ELMOD2: variants seen among roughly 807,000 people sequenced by gnomAD.
The protein encoded by ELMOD2 is ELMO domain containing 2.
A neutral mutation model predicts 41.0 loss-of-function variants in ELMOD2; 28 were observed. The ratio of observed to expected loss-of-function variants is 0.68; its 90% CI spans 0.51 to 0.94. ELMOD2 has a LOEUF of 0.94. ELMOD2 is among the 40% of genes least tolerant of loss of function. ELMOD2 has a pLI of 0.00. For synonymous variants in ELMOD2, 106 were observed against 107.2 expected, an observed-to-expected ratio of 0.99 and a Z score of 0.07; for missense variants, 333 against 343.1, an observed-to-expected ratio of 0.97 and a Z score of 0.23.
chr4:140,525,575 T>C lies in ELMOD2; in HGVS notation c.142+5T>C, dbSNP rs201244894. On this transcript the variant is annotated splice_donor_5th_base_variant and intron_variant, in intron 2 of 8. Coordinates refer to ENST00000323570, the MANE Select transcript of ELMOD2 (RefSeq NM_153702.4). ...CACAAAGGACACACAGGATAGGTAA[T>C]GTTATTCAAAAAGAAAAAGTACTAA... The C allele has an allele frequency of 6.3e-7, 1 of 1,590,952 alleles. No homozygotes were observed.
intron 8 of ELMOD2, among the ~76,000 whole-genome samples, chr4:140,547,940 G>A (rs1012159692): frequency 1.3e-5 from 2 of 152,140 alleles, no homozygotes; most frequent in Non-Finnish European, 2.9e-5. Flanking sequence ...TGCCAAGGAT[G>A]GCCCTGCCAG....
intron 3 of ELMOD2, among the ~76,000 whole-genome samples, chr4:140,535,055 C>G (rs1734870014): frequency 6.6e-6 from 1 of 151,980 alleles, no homozygotes; most frequent in Non-Finnish European, 1.5e-5. Flanking sequence ...TTGACCATAT[C>G]TGTATCTTTA....
intron 3 of ELMOD2, among the ~76,000 whole-genome samples, chr4:140,532,650 A>C (rs574855134): frequency 6.6e-6 from 1 of 152,320 alleles, no homozygotes; most frequent in South Asian, 2.1e-4. Context: ...GGCTGTGAAA[A>C]ACCTGCAGCT....
intron 8 of ELMOD2, among the ~76,000 whole-genome samples, chr4:140,548,241 A>G (rs1735355260): frequency 6.6e-6 from 1 of 152,188 alleles, no homozygotes; most frequent in Non-Finnish European, 1.5e-5. Context: ...ACTGAAACAA[A>G]TGGTATGGCC....
intron 8 of ELMOD2, among the ~76,000 whole-genome samples, chr4:140,545,175 T>A (rs1381106607): frequency 6.6e-6 from 1 of 152,190 alleles, no homozygotes; most frequent in Non-Finnish European, 1.5e-5. Context: ...TGTTTTTTCT[T>A]CATGTTATTT....
intron 2 of ELMOD2, chr4:140,526,864 A>AT (rs1474813527): frequency 6.6e-6 from 1 of 152,414 alleles, no homozygotes; most frequent in Non-Finnish European, 1.5e-5. Flanking sequence ...TGGCAAAAGC[A>AT]TTTTTCCTAA....
chr4:140,524,894 CAG>C (rs1334505491), intron 1 of ELMOD2: 1 of 153,742 alleles, frequency 6.5e-6, no homozygotes, highest in Non-Finnish European at 1.4e-5. Flanking sequence ...GTTATATACT[CAG>C]TGTTCAACTT....
intron 8 of ELMOD2, among the ~76,000 whole-genome samples, chr4:140,545,618 A>G (rs1041622068): frequency 6.6e-6 from 1 of 152,182 alleles, no homozygotes; most frequent in African/African-American, 2.4e-5. Flanking sequence ...GACAGCATTG[A>G]TGATTCTACC....
intron 8 of ELMOD2, 106 bp from the exon 9 acceptor site, chr4:140,550,124 T>C (rs1735424253): frequency 1.0e-6 from 1 of 960,260 alleles, no homozygotes; most frequent in African/African-American, 1.7e-5. Context: ...GATTATTGTA[T>C]TCTAATATGG....
In ELMOD2 at chr4:140,525,596, A is replaced by G. The variant is rs1487513656; in HGVS notation, c.142+26A>G. ...GTAATGTTATTCAAAAAGAAAAAGT[A>G]CTAATAAAAGTTTAACGGAGTGTTT... On this transcript the variant is annotated intron_variant, in intron 2 of 8. Transcript: ENST00000323570. 3.2e-6 allele frequency: 5 copies of G among 1,585,474 alleles called. No individual in the cohort carries two copies. In the South Asian group the frequency reaches 5.8e-5, roughly 18 times the overall value.
chr4:140,541,329 T>G (rs909871291), intron 6 of ELMOD2, among the ~76,000 whole-genome samples: 14 of 152,148 alleles, frequency 9.2e-5, no homozygotes, highest in Admixed American at 3.9e-4. Flanking sequence ...TATTGATGGT[T>G]TTTTTAATTG....
In ELMOD2 at chr4:140,550,378, C is replaced by G; in HGVS notation, c.*3C>G. 6.3e-7 allele frequency: 1 copy of G among 1,594,602 alleles called. No homozygotes were observed. Among genetic ancestry groups the G allele is most frequent in the Non-Finnish European group, 8.5e-7 (1 of 1,172,676 alleles). ...TAGCACTTACTTTAAAAGTATAAAT[C>G]ATCCACTGTATCTTCTATTTCTACC... On this transcript the variant is annotated 3_prime_UTR_variant, in exon 9 of 9. Coordinates refer to ENST00000323570, the MANE Select transcript of ELMOD2 (RefSeq NM_153702.4).
At chr4:140,542,367 C>T (rs180802005) in intron 6 of ELMOD2, 2 of 372,128 alleles carry the variant, frequency 5.4e-6, no homozygotes, top group East Asian at 8.0e-5. Context: ...TTGTCAATGA[C>T]CTATATTCTG....
chr4:140,543,207 A>G (rs1735163264), intron 7 of ELMOD2, among the ~76,000 whole-genome samples: 1 of 151,948 alleles, frequency 6.6e-6, no homozygotes, highest in South Asian at 2.1e-4. Flanking sequence ...TAAGAATTTT[A>G]GTTTTAGATA....
chr4:140,524,503 C>G, intron 1 of ELMOD2: 1 of 723,730 alleles, frequency 1.4e-6, no homozygotes, highest in Non-Finnish European at 1.7e-6. Context: ...CGCGTGCATC[C>G]CCTCTGCTCG....
At chr4:140,533,073 T>A (rs998916219) in intron 3 of ELMOD2, among the ~76,000 whole-genome samples, 3 of 152,024 alleles carry the variant, frequency 2.0e-5, no homozygotes, top group Non-Finnish European at 2.9e-5. Flanking sequence ...CCAGAGAAAA[T>A]TGCTGAGAAA....
chr4:140,534,796 G>A (rs1431964187), intron 3 of ELMOD2, among the ~76,000 whole-genome samples: 2 of 152,160 alleles, frequency 1.3e-5, no homozygotes, highest in African/African-American at 4.8e-5. Context: ...AATATGGTGT[G>A]GTCAGTGCTC....
chr4:140,535,605 G>T, intron 3 of ELMOD2, 128 bp from the exon 4 acceptor site: 1 of 731,022 alleles, frequency 1.4e-6, no homozygotes. Flanking sequence ...GAAATAAACT[G>T]GTTGAAACAA....
chr4:140,550,515 C>A lies in ELMOD2; in HGVS notation c.*140C>A. ...ATTTCAGAAATTCTATTTAAGAAAG[C>A]TAGTGGACAATCAGTGTATGTTTAC... On this transcript the variant is annotated 3_prime_UTR_variant, in exon 9 of 9. Transcript: ENST00000323570. 1 of 859,218 alleles carries A rather than the reference C, an allele frequency of 1.2e-6. No homozygotes were observed. Among genetic ancestry groups the A allele is most frequent in the Non-Finnish European group, 1.7e-6 (1 of 597,632 alleles). The allele number at this position is 859,218 out of a possible 1,614,324, so 53.2% of individuals were successfully genotyped here.
Sources: allele counts gnomAD v4.1 joint callset (sites outside exome capture counted in the v4.1 genomes callset), GRCh38; gene constraint gnomAD v4.1.1; transcripts MANE v1.5; gene names NCBI Gene and HGNC (gene_info 2026-07-23, HGNC 2026-07-21).